The following RTN4 variants were observed in gnomAD, a reference collection of about 807,000 sequenced individuals.
RTN4 encodes reticulon-4.
A neutral mutation model predicts 90.4 loss-of-function variants in RTN4; 32 were observed. The observed-to-expected ratio is 0.35, with a 90% CI of 0.27 to 0.48. The LOEUF (loss-of-function observed/expected upper bound fraction) is 0.48, where lower values mean the gene tolerates loss of function less well. RTN4 is among the 20% of genes least tolerant of loss of function. The pLI, the probability that RTN4 is intolerant of heterozygous loss-of-function variation, is 0.99. For synonymous variants in RTN4, 629 were observed against 552.5 expected (o/e 1.14, Z -1.94); for missense variants, 1,706 against 1,430.2 (o/e 1.19, Z -3.11).
At chr2:54,989,071 C>T (rs1678804856) in intron 3 of RTN4, among the ~76,000 whole-genome samples, 1 of 152,168 alleles carries the variant, frequency 6.6e-6, no homozygotes, top group African/African-American at 2.4e-5. Flanking sequence ...TCCCCAAGGT[C>T]CCCTAAGATG....
At chr2:55,101,722 G>A (rs1291015105) in intron 1 of RTN4, among the ~76,000 whole-genome samples, 1 of 152,104 alleles carries the variant, frequency 6.6e-6, no homozygotes, top group Non-Finnish European at 1.5e-5. Context: ...GTATGAACCA[G>A]CCCTGTGGAT....
intron 3 of RTN4, among the ~76,000 whole-genome samples, chr2:54,988,692 A>T (rs1573308793): frequency 6.6e-6 from 1 of 152,350 alleles, no homozygotes; most frequent in East Asian, 1.9e-4. Flanking sequence ...GTTGATAGAT[A>T]TAATGCCATA....
chr2:55,003,653 T>C (rs1479641513), intron 3 of RTN4, among the ~76,000 whole-genome samples: 4 of 152,334 alleles, frequency 2.6e-5, no homozygotes, highest in South Asian at 4.1e-4. Flanking sequence ...CAGCCCTCTA[T>C]GTCTGCAGGT....
At chr2:54,973,693 A>G in intron 7 of RTN4, 72 bp from the exon 8 acceptor site, 3 of 1,504,022 alleles carry the variant, frequency 2.0e-6, no homozygotes, top group Non-Finnish European at 2.8e-6. Flanking sequence ...GTGTCAAGCT[A>G]AAGGCTTAAG....
At chr2:54,978,398 T>A (rs958360459) in intron 5 of RTN4, among the ~76,000 whole-genome samples, 1 of 123,534 alleles carries the variant, frequency 8.1e-6, no homozygotes, top group Non-Finnish European at 1.6e-5. Flanking sequence ...ACCACCGCCC[T>A]CCAGCCTGGG....
chr2:55,010,146 T>G (rs202008600), intron 3 of RTN4: 2 of 1,613,184 alleles, frequency 1.2e-6, no homozygotes, highest in Non-Finnish European at 1.7e-6. Context: ...GCTTTGCAGC[T>G]CCAATTATTA....
At chr2:55,043,934 T>C (rs1220485133) in intron 1 of RTN4, among the ~76,000 whole-genome samples, 2 of 151,604 alleles carry the variant, frequency 1.3e-5, no homozygotes, top group Non-Finnish European at 2.9e-5. Flanking sequence ...TTAGGCTGGG[T>C]GTGGTGGCTC....
At chr2:55,095,337 C>T (rs1213163918) in intron 1 of RTN4, among the ~76,000 whole-genome samples, 1 of 151,484 alleles carries the variant, frequency 6.6e-6, no homozygotes, top group South Asian at 2.1e-4. Context: ...AAAAAAAACA[C>T]AGACAAAAAA....
the RTN4 span, among the ~76,000 whole-genome samples, chr2:55,129,710 T>C: frequency 6.6e-6 from 1 of 152,038 alleles, no homozygotes; most frequent in Admixed American, 6.6e-5. Flanking sequence ...TACAGGCGCT[T>C]GCCACCACAC....
intron 1 of RTN4, among the ~76,000 whole-genome samples, chr2:55,041,605 G>T (rs1683082316): frequency 2.0e-5 from 3 of 151,898 alleles, no homozygotes; most frequent in African/African-American, 7.2e-5. Flanking sequence ...GGTTAAGAAG[G>T]ATAATTCAAA....
At chr2:55,127,143 G>A in the RTN4 span, among the ~76,000 whole-genome samples, 1 of 151,954 alleles carries the variant, frequency 6.6e-6, no homozygotes, top group Non-Finnish European at 1.5e-5. Context: ...ATCTTCATGT[G>A]TACCCCTAAA....
chr2:55,065,411 A>G (rs1668371849), intron 2 of RTN4, among the ~76,000 whole-genome samples: 1 of 152,206 alleles, frequency 6.6e-6, no homozygotes, highest in Non-Finnish European at 1.5e-5. Context: ...TTAAACCAAA[A>G]TGAGATCAAG....
intron 1 of RTN4, among the ~76,000 whole-genome samples, chr2:55,097,283 C>T (rs1405855599): frequency 2.2e-5 from 3 of 137,020 alleles, no homozygotes; most frequent in South Asian, 2.3e-4. Flanking sequence ...GCCTGGATGA[C>T]AGAGTGAAAT....
chr2:55,121,288 T>C, the RTN4 span, among the ~76,000 whole-genome samples: 4 of 152,158 alleles, frequency 2.6e-5, no homozygotes, highest in African/African-American at 9.7e-5. Context: ...AAATCTTGTG[T>C]TGAGTATTAT....
intron 3 of RTN4, among the ~76,000 whole-genome samples, chr2:55,003,252 G>A (rs1455330643): frequency 1.3e-5 from 2 of 151,996 alleles, no homozygotes; most frequent in Non-Finnish European, 2.9e-5. Context: ...AATGTTCATC[G>A]AATCAATGAA....
At chr2:55,090,162 G>A (rs555163068) in intron 1 of RTN4, among the ~76,000 whole-genome samples, 8 of 152,266 alleles carry the variant, frequency 5.3e-5, no homozygotes, top group Admixed American at 1.3e-4. Flanking sequence ...GGATAGGGCT[G>A]GAGTGGAGAC....
chr2:55,073,861 T>G (rs1668556213), intron 2 of RTN4, among the ~76,000 whole-genome samples: 1 of 152,220 alleles, frequency 6.6e-6, no homozygotes. Context: ...CGTTGGTTGG[T>G]GGCAGTGCCA....
intron 2 of RTN4, among the ~76,000 whole-genome samples, chr2:55,071,540 C>G: frequency 3.2e-5 from 1 of 31,554 alleles, no homozygotes; most frequent in African/African-American, 8.9e-5. Flanking sequence ...CACCATTTGC[C>G]ATCAAAAAAA....
Position 54,987,641 on chromosome 2 carries a change from C to T in RTN4, c.3071G>A (p.Ser1024Asn). Residue 1024 changes from serine to asparagine, a missense_variant, in exon 4 of 9, where the codon AGC becomes AAC. Coordinates refer to ENST00000337526, the MANE Select transcript of RTN4 (RefSeq NM_020532.5). ...TGTCAATGAAAGCAGCAGGAATAGGCTGGCACCAAACACCACTCCAGTCTT... is the reference window on the plus strand; with the variant it reads ...TGTCAATGAAAGCAGCAGGAATAGGTTGGCACCAAACACCACTCCAGTCTT... ...IKKTGVVFGA[S>N]LFLLLSLTVF... 1 of 1,614,224 alleles carries T rather than the reference C, an allele frequency of 6.2e-7. No homozygotes were observed. Among genetic ancestry groups the T allele is most frequent in the Non-Finnish European group, 8.5e-7 (1 of 1,180,028 alleles).
Sources: allele counts gnomAD v4.1 joint callset (sites outside exome capture counted in the v4.1 genomes callset), GRCh38; gene constraint gnomAD v4.1.1; transcripts MANE v1.5; gene names NCBI Gene and HGNC (gene_info 2026-07-23, HGNC 2026-07-21).